Variants in TBC1D1 observed in about 807,000 individuals in gnomAD.
TBC1D1 encodes the protein TBC1 (tre-2/USP6, BUB2, cdc16) domain family, member 1.
In TBC1D1, 89 loss-of-function variants were observed where a neutral mutation model predicts 125.6. The ratio of observed to expected loss-of-function variants is 0.71; its 90% CI spans 0.60 to 0.85. TBC1D1 has a LOEUF of 0.85. Among genes scored for constraint, TBC1D1 ranks in the 40% least tolerant of loss-of-function variants. The pLI is 0.00. For synonymous variants in TBC1D1, 565 were observed against 564.1 expected, an observed-to-expected ratio of 1.00 and a Z score of -0.02; for missense variants, 1,377 against 1,469.2, an observed-to-expected ratio of 0.94 and a Z score of 1.03.
intron 6 of TBC1D1, among the ~76,000 whole-genome samples, chr4:38,025,121 C>A (rs990265882): frequency 1.3e-5 from 2 of 152,168 alleles, no homozygotes; most frequent in Non-Finnish European, 2.9e-5. Flanking sequence ...GCTCTCAGAG[C>A]AAATTTTCCT....
At chr4:37,966,152 G>A (rs1414867651) in intron 2 of TBC1D1, among the ~76,000 whole-genome samples, 1 of 152,176 alleles carries the variant, frequency 6.6e-6, no homozygotes, top group Non-Finnish European at 1.5e-5. Context: ...GTGGAAACAG[G>A]TTCAGAGAAT....
intron 3 of TBC1D1, among the ~76,000 whole-genome samples, chr4:38,016,456 G>T (rs1330955350): frequency 6.6e-6 from 1 of 152,200 alleles, no homozygotes; most frequent in Non-Finnish European, 1.5e-5. Flanking sequence ...TTAGGTCTCT[G>T]CTGAAATGTT....
At chr4:38,019,678 G>A (rs1305749938) in intron 4 of TBC1D1, among the ~76,000 whole-genome samples, 1 of 152,130 alleles carries the variant, frequency 6.6e-6, no homozygotes, top group Non-Finnish European at 1.5e-5. Context: ...ATTTATGGCA[G>A]ACGTTTTATC....
chr4:38,020,090 T>G (rs1743681348), intron 4 of TBC1D1, among the ~76,000 whole-genome samples: 2 of 152,310 alleles, frequency 1.3e-5, no homozygotes, highest in South Asian at 4.1e-4. Context: ...GTGGGAGTAA[T>G]CAAAGGAACA....
At chr4:37,945,173 G>T (rs1377613047) in intron 2 of TBC1D1, among the ~76,000 whole-genome samples, 7 of 152,018 alleles carry the variant, frequency 4.6e-5, no homozygotes, top group East Asian at 1.9e-4. Context: ...CATCGCTCTT[G>T]GTCCAAGTAT....
chr4:37,987,403 T>C (rs1344852650), intron 2 of TBC1D1, among the ~76,000 whole-genome samples: 1 of 152,124 alleles, frequency 6.6e-6, no homozygotes, highest in African/African-American at 2.4e-5. Context: ...AAATTCATAT[T>C]TTATCTGTTG....
chr4:38,086,657 G>A (rs1028523863), intron 12 of TBC1D1, among the ~76,000 whole-genome samples: 1 of 152,186 alleles, frequency 6.6e-6, no homozygotes, highest in Non-Finnish European at 1.5e-5. Flanking sequence ...AACAGTATTT[G>A]AACTGTGTTT....
intron 2 of TBC1D1, among the ~76,000 whole-genome samples, chr4:37,969,372 C>T (rs376428361): frequency 5.9e-5 from 9 of 152,172 alleles, no homozygotes; most frequent in Admixed American, 3.9e-4. Context: ...GACAGAGTTC[C>T]GCTCTTGTCG....
intron 2 of TBC1D1, among the ~76,000 whole-genome samples, chr4:38,002,049 C>T (rs1163828574): frequency 3.3e-5 from 5 of 152,178 alleles, no homozygotes; most frequent in Non-Finnish European, 7.4e-5. Context: ...GTTTAAGAAT[C>T]TCTGCTTCAG....
At chr4:37,940,602 A>T (rs1021273659) in intron 2 of TBC1D1, among the ~76,000 whole-genome samples, 2 of 152,192 alleles carry the variant, frequency 1.3e-5, no homozygotes, top group Non-Finnish European at 2.9e-5. Flanking sequence ...GTCTTGTGCC[A>T]GTTTTCAAAG....
At chr4:37,920,192 C>G (rs1487303439) in intron 2 of TBC1D1, among the ~76,000 whole-genome samples, 2 of 152,192 alleles carry the variant, frequency 1.3e-5, no homozygotes, top group Non-Finnish European at 2.9e-5. Flanking sequence ...AAAAACCCAA[C>G]AAAAAGCCCG....
At chr4:37,936,162 A>C (rs1419000765) in intron 2 of TBC1D1, among the ~76,000 whole-genome samples, 3 of 152,200 alleles carry the variant, frequency 2.0e-5, no homozygotes, top group African/African-American at 4.8e-5. Flanking sequence ...TGACGATAGT[A>C]CTGAATCGCA....
At chr4:37,978,400 ATG>A (rs1733683770) in intron 2 of TBC1D1, among the ~76,000 whole-genome samples, 3 of 152,190 alleles carry the variant, frequency 2.0e-5, no homozygotes, top group African/African-American at 7.2e-5. Flanking sequence ...TTTCCTGTGT[ATG>A]GCTGGTTGAG....
intron 2 of TBC1D1, chr4:37,961,129 G>T: frequency 7.1e-7 from 1 of 1,412,278 alleles, no homozygotes; most frequent in Non-Finnish European, 9.8e-7. Context: ...TAAATATAAA[G>T]TGGGTCATAT....
At chr4:37,974,850 C>T (rs1016816243) in intron 2 of TBC1D1, among the ~76,000 whole-genome samples, 11 of 152,218 alleles carry the variant, frequency 7.2e-5, no homozygotes, top group African/African-American at 1.7e-4. Flanking sequence ...TGAGCCACCA[C>T]GCCCAGCCTC....
At chr4:38,025,134 A>G (rs1414922986) in intron 6 of TBC1D1, among the ~76,000 whole-genome samples, 1 of 152,256 alleles carries the variant, frequency 6.6e-6, no homozygotes, top group East Asian at 1.9e-4. Flanking sequence ...ATTTTCCTTC[A>G]GTAAAACACA....
At chr4:38,111,851 G>C (rs1363531683) in intron 15 of TBC1D1, 1 of 759,758 alleles carries the variant, frequency 1.3e-6, no homozygotes, top group South Asian at 5.9e-5. Context: ...AAGTCAGATG[G>C]GTGCAGTTGT....
At chr4:38,038,878 G>A (rs1006570060) in intron 8 of TBC1D1, among the ~76,000 whole-genome samples, 7 of 151,292 alleles carry the variant, frequency 4.6e-5, no homozygotes, top group South Asian at 4.2e-4. Flanking sequence ...CCCGGGAAGC[G>A]GAGGTTGCAG....
chr4:37,952,161 C>G, intron 2 of TBC1D1: 1 of 704,260 alleles, frequency 1.4e-6, no homozygotes, highest in South Asian at 1.5e-5. Flanking sequence ...TCTAGTTCAT[C>G]CCAGTGGCCC....
Sources: allele counts gnomAD v4.1 joint callset (sites outside exome capture counted in the v4.1 genomes callset), GRCh38; gene constraint gnomAD v4.1.1; transcripts MANE v1.5; gene names NCBI Gene and HGNC (gene_info 2026-07-23, HGNC 2026-07-21).